TNFRSF8: variants seen among roughly 807,000 people sequenced by gnomAD.
TNFRSF8 encodes the protein TNF receptor superfamily member 8.
A neutral mutation model predicts 70.8 loss-of-function variants in TNFRSF8; 26 were observed. The observed-to-expected ratio is 0.37, with a 90% CI of 0.27 to 0.51. The LOEUF (loss-of-function observed/expected upper bound fraction) is 0.51, where lower values mean the gene tolerates loss of function less well. Among genes scored for constraint, TNFRSF8 ranks in the 20% least tolerant of loss-of-function variants. TNFRSF8 has a pLI of 0.94. For synonymous variants in TNFRSF8, 356 were observed against 339.2 expected, an observed-to-expected ratio of 1.05 and a Z score of -0.54; for missense variants, 720 against 807.9, an observed-to-expected ratio of 0.89 and a Z score of 1.32.
At chr1:12,118,737 A>G (rs1444722297) in intron 8 of TNFRSF8, among the ~76,000 whole-genome samples, 9 of 152,358 alleles carry the variant, frequency 5.9e-5, no homozygotes, top group African/African-American at 2.2e-4. Flanking sequence ...CTGCCCTGCC[A>G]TCAACGATGG....
intron 3 of TNFRSF8, among the ~76,000 whole-genome samples, chr1:12,102,893 A>G (rs757549868): frequency 2.0e-5 from 3 of 151,274 alleles, no homozygotes; most frequent in Non-Finnish European, 3.0e-5. Context: ...AGTTGTTATT[A>G]TCTGTCTTTT....
chr1:12,136,474 C>G (rs140447193), intron 13 of TNFRSF8, among the ~76,000 whole-genome samples: 1,562 of 151,914 alleles, frequency 0.01, 17 homozygotes, highest in African/African-American at 0.024. Flanking sequence ...CATAGTGAAA[C>G]CCCGTCTCTA....
At chr1:12,140,136 G>A (rs1182002117) in intron 14 of TNFRSF8, among the ~76,000 whole-genome samples, 1 of 152,254 alleles carries the variant, frequency 6.6e-6, no homozygotes, top group East Asian at 1.9e-4. Context: ...TGATGGGGAG[G>A]AGAAGGAAGT....
At chr1:12,120,587 C>T (rs1641811219) in intron 8 of TNFRSF8, among the ~76,000 whole-genome samples, 1 of 152,306 alleles carries the variant, frequency 6.6e-6, no homozygotes, top group African/African-American at 2.4e-5. Flanking sequence ...GGCCTTGATG[C>T]TGAGACAATT....
At chr1:12,068,645 C>A (rs949267958) in intron 1 of TNFRSF8, among the ~76,000 whole-genome samples, 3 of 152,100 alleles carry the variant, frequency 2.0e-5, no homozygotes, top group African/African-American at 7.2e-5. Flanking sequence ...TCCCTGAATG[C>A]CTAAGTCTTT....
chr1:12,073,820 G>A (rs751789836), intron 1 of TNFRSF8, among the ~76,000 whole-genome samples: 2 of 151,778 alleles, frequency 1.3e-5, no homozygotes, highest in South Asian at 2.1e-4. Context: ...GGTCTCAAAC[G>A]CCTGACCTCA....
Position 12,115,718 on chromosome 1 carries a change from C to G in TNFRSF8, c.935C>G (p.Thr312Ser), listed in dbSNP as rs1392590092. 1.2e-6 allele frequency: 2 copies of G among 1,614,152 alleles called. No individual in the cohort carries two copies. Among genetic ancestry groups the G allele is most frequent in the Non-Finnish European group, 1.7e-6 (2 of 1,180,008 alleles). Residue 312 changes from threonine (T) to serine (S), a missense_variant, in exon 8 of 15, where the codon ACC becomes AGC. Physicochemically the swap from Thr to Ser is moderately conservative, Grantham distance 58. Transcript: ENST00000263932. Reference protein sequence around the residue: ...PYPICAAETVTKPQDMAEKDT... With the variant: ...PYPICAAETVSKPQDMAEKDT... ...CCAATCTGTGCAGCAGAGACGGTCA[C>G]CAAGCCCCAGGGTAAGCAGTTCCCA... is the stretch of plus-strand genomic sequence containing the variant.
In TNFRSF8 at chr1:12,113,437, G is replaced by C. The variant is rs966705789; in HGVS notation, c.793+1423G>C. 6.6e-6 allele frequency among the ~76,000 whole-genome samples: 1 copy of C among 152,302 alleles called. No homozygotes were observed. Among genetic ancestry groups the C allele is most frequent in the East Asian group, 1.9e-4 (1 of 5,194 alleles). On this transcript the variant is annotated intron_variant, in intron 7 of 14. Coordinates refer to ENST00000263932, the MANE Select transcript of TNFRSF8 (RefSeq NM_001243.5). This position sits in a 1 kb window ranked among gnomAD's most constrained non-coding sequence, Gnocchi z 4.9. ...GATCCGCCGGCCTTGGCCTCCCAAA[G>C]TGTTGGAATTACAAGCATGAGCCAT...
At chr1:12,098,758 C>G (rs747629169) in intron 3 of TNFRSF8, among the ~76,000 whole-genome samples, 3 of 151,996 alleles carry the variant, frequency 2.0e-5, no homozygotes, top group Non-Finnish European at 4.4e-5. Flanking sequence ...AATCTACTAT[C>G]TCTTGCAGTA....
rs1480403515 is a variant in TNFRSF8 at position 12,142,624 on chromosome 1, A to T, written c.*93A>T. ...GCACCGAGGTTGGGGGCAGAGGCCC[A>T]TCTGGCCTGAACTGAGGCTCCAGCA... On this transcript the variant is annotated 3_prime_UTR_variant, in exon 15 of 15. Coordinates refer to ENST00000263932, the MANE Select transcript of TNFRSF8 (RefSeq NM_001243.5). This position sits in a 1 kb window ranked among gnomAD's most constrained non-coding sequence, Gnocchi z 5.0. 6.8e-7 allele frequency: 1 copy of T among 1,468,036 alleles called. No homozygotes were observed. Among genetic ancestry groups the T allele is most frequent in the Non-Finnish European group, 9.1e-7 (1 of 1,098,392 alleles). 90.9% of individuals were successfully genotyped at this position (1,468,036 alleles called of 1,614,324 possible).
chr1:12,099,393 C>T (rs1298465527), intron 3 of TNFRSF8, among the ~76,000 whole-genome samples: 6 of 152,110 alleles, frequency 3.9e-5, no homozygotes, highest in Non-Finnish European at 2.9e-5. Flanking sequence ...GATCCAGCCG[C>T]CTTGGCCTCC....
At position 12,109,358 on chromosome 1, in the gene TNFRSF8, T is replaced by G. The variant is rs1641583825; in HGVS notation, c.422-208T>G. ...GGTCCCAACCCCTAACCACAGATGC[T>G]GAGATCAGAGGGAGAGTAATTCCCC... is the stretch of plus-strand genomic sequence containing the variant. On this transcript the variant is annotated intron_variant, in intron 4 of 14. Coordinates refer to ENST00000263932, the MANE Select transcript of TNFRSF8 (RefSeq NM_001243.5). This position sits in a 1 kb window ranked among gnomAD's most constrained non-coding sequence, Gnocchi z 4.4. Among the ~76,000 whole-genome samples, 1 of 152,226 alleles carries G rather than the reference T, an allele frequency of 6.6e-6. No homozygotes were observed. The highest frequency in any genetic ancestry group is 1.9e-4 in the East Asian group (1 of 5,174).
chr1:12,115,857 T>C (rs1279630471), intron 8 of TNFRSF8, 128 bp downstream of exon 8: 2 of 1,034,618 alleles, frequency 1.9e-6, no homozygotes, highest in Non-Finnish European at 2.8e-6. Flanking sequence ...TTAGGTCAGG[T>C]TTGGGTTCTG....
intron 10 of TNFRSF8, among the ~76,000 whole-genome samples, chr1:12,125,317 C>G (rs892774173): frequency 5.9e-5 from 9 of 152,224 alleles, no homozygotes; most frequent in African/African-American, 2.2e-4. Flanking sequence ...GTCCCCCCGG[C>G]CTGGCCTGGC....
At chr1:12,089,509 G>C (rs960367896) in intron 2 of TNFRSF8, among the ~76,000 whole-genome samples, 1 of 152,072 alleles carries the variant, frequency 6.6e-6, no homozygotes, top group Non-Finnish European at 1.5e-5. Context: ...AAATCCACCA[G>C]GGTTCTTTTG....
rs61774862 is a variant in TNFRSF8 at position 12,133,438 on chromosome 1, G to A, written c.1310-2150G>A. ...GGGACCATGATTTAGTTTCACTGAC[G>A]TCATTGAAAAGAATGTGCCTCGGCC... is the stretch of plus-strand genomic sequence containing the variant. On this transcript the variant is annotated intron_variant, in intron 12 of 14. Transcript: ENST00000263932. 5.3e-5 allele frequency among the ~76,000 whole-genome samples: 8 copies of A among 151,746 alleles called. 1 individual carries two copies. The South Asian group carries it at 8.3e-4, about 16-fold the overall frequency.
rs576706799 is a variant in TNFRSF8, at chr1:12,138,371, G to A, written c.1478G>A (p.Gly493Asp). 7.4e-6 allele frequency: 12 copies of A among 1,613,692 alleles called. No individual in the cohort carries two copies. The Admixed American group carries it at 1.0e-4, about 13-fold the overall frequency. The change falls in exon 14 of 15, where the codon GGC (glycine) becomes GAC (aspartate). Residue 493 changes from glycine (G) to aspartate (D), a missense_variant. Transcript: ENST00000263932. This position sits in a 1 kb window ranked among gnomAD's most constrained non-coding sequence, Gnocchi z 5.7. ...LPLQDASPAG[G>D]PSSPRDLPEP... ...CTGCAGGATGCCAGCCCGGCCGGGG[G>A]CCCCTCGTCCCCCAGGGACCTTCCT...
At position 12,111,914 on chromosome 1, in the gene TNFRSF8, G is replaced by A; in HGVS notation, c.693G>A (p.Gln231=). Residue 231 remains glutamine, a synonymous_variant, in exon 7 of 15, where the codon CAG becomes CAA. Coordinates refer to ENST00000263932, the MANE Select transcript of TNFRSF8 (RefSeq NM_001243.5). ...TTTCCCCAGGTCTGTCCCCAACACA[G>A]CCATGCCCAGAGGGGTCTGGTGATT... ...PSSDPGLSPT[Q]PCPEGSGDCR... is the part of the protein sequence containing the mutation. The A allele has an allele frequency of 6.2e-7, 1 of 1,614,194 alleles. No homozygotes were observed.
chr1:12,105,348 C>A (rs1641501026), intron 4 of TNFRSF8, among the ~76,000 whole-genome samples: 2 of 152,186 alleles, frequency 1.3e-5, no homozygotes, highest in South Asian at 2.1e-4. Context: ...ATCGCTACCA[C>A]TGCCTGCCCC....
Sources: gnomAD v4.1 joint callset for allele counts (sites outside exome capture counted in the v4.1 genomes callset) on GRCh38, gnomAD v4.1.1 for gene constraint, Gnocchi (gnomAD v3.1) non-coding constraint, MANE v1.5 for transcripts, NCBI Gene and HGNC (gene_info 2026-07-23, HGNC 2026-07-21) for gene names.